NTAQ1: variants seen among roughly 807,000 people sequenced by gnomAD.
NTAQ1 encodes the protein protein N-terminal glutamine amidohydrolase.
A neutral mutation model predicts 28.2 loss-of-function variants in NTAQ1; 21 were observed. The ratio of observed to expected loss-of-function variants is 0.74; its 90% CI spans 0.53 to 1.07. The LOEUF is 1.07. Among genes scored for constraint, NTAQ1 ranks in the 50% least tolerant of loss-of-function variants. NTAQ1 has a pLI of 0.00. For missense variants in NTAQ1, 264 were observed against 256.6 expected (o/e 1.03, Z -0.20); for synonymous variants, 105 against 90.0 (o/e 1.17, Z -0.94).
intron 3 of NTAQ1, among the ~76,000 whole-genome samples, chr8:123,431,582 G>A (rs1235667243): frequency 2.6e-5 from 4 of 152,190 alleles, no homozygotes; most frequent in African/African-American, 9.7e-5. Flanking sequence ...TTCGTTGCCA[G>A]CAGGTGATCT....
intron 6 of NTAQ1, among the ~76,000 whole-genome samples, chr8:123,458,866 C>T (rs898089285): frequency 6.6e-5 from 10 of 152,046 alleles, no homozygotes; most frequent in Admixed American, 3.9e-4. Context: ...GTGATCCACC[C>T]GCCTCGGCCT....
intron 1 of NTAQ1, among the ~76,000 whole-genome samples, chr8:123,420,846 G>A (rs1334163773): frequency 6.6e-6 from 1 of 151,982 alleles, no homozygotes; most frequent in Non-Finnish European, 1.5e-5. Flanking sequence ...CTGGAGTGCA[G>A]TGGTGCAATC....
chr8:123,445,156 T>C (rs1245725108), downstream of NTAQ1, among the ~76,000 whole-genome samples: 6 of 152,186 alleles, frequency 3.9e-5, no homozygotes, highest in African/African-American at 1.4e-4. Context: ...TGTCCTCCAA[T>C]TTTCTGATGT....
chr8:123,453,565 A>G (rs1189644680), intron 6 of NTAQ1, among the ~76,000 whole-genome samples: 4 of 151,864 alleles, frequency 2.6e-5, no homozygotes, highest in East Asian at 3.9e-4. Context: ...AGTAGCTGGG[A>G]CTATAGACAC....
intron 1 of NTAQ1, among the ~76,000 whole-genome samples, chr8:123,422,585 T>G (rs1467747128): frequency 1.3e-5 from 2 of 150,462 alleles, no homozygotes; most frequent in Non-Finnish European, 2.9e-5. Context: ...GGCTGTAGGT[T>G]GTCTATTTAC....
chr8:123,444,221 A>C (rs902572660), downstream of NTAQ1, among the ~76,000 whole-genome samples: 6 of 152,140 alleles, frequency 3.9e-5, no homozygotes, highest in Non-Finnish European at 7.3e-5. Flanking sequence ...TTTGTTTGAG[A>C]TGCCGTCTTG....
At chr8:123,451,337 G>GTTTTCCTT (rs1020475865), downstream of NTAQ1, among the ~76,000 whole-genome samples, 20 of 152,070 alleles carry the variant, frequency 1.3e-4, no homozygotes, top group African/African-American at 4.8e-4. Context: ...TTAAAAGTCT[G>GTTTTCCTT]TTTTCCTTTT....
rs1198107061 is a variant in NTAQ1, at chr8:123,464,514, C to G, written c.373-2565C>G. ...GAGACGCCACTGGAGAGAGCATTGC[C>G]AGGCTGTGCCTCCACTCTCCCTCCC... On this transcript the variant is annotated intron_variant, in intron 6 of 6. Transcript: ENST00000650311. Among the ~76,000 whole-genome samples, 3 of 152,198 alleles carry G rather than the reference C, an allele frequency of 2.0e-5. No homozygotes were observed. The South Asian group carries it at 6.2e-4, about 31-fold the overall frequency.
At chr8:123,417,461 G>A (rs1250494823) in intron 1 of NTAQ1, among the ~76,000 whole-genome samples, 4 of 152,144 alleles carry the variant, frequency 2.6e-5, no homozygotes, top group Admixed American at 2.6e-4. Flanking sequence ...GAGCACTGAA[G>A]CACAGAGGGC....
At chr8:123,449,834 CAG>C (rs1815416820), downstream of NTAQ1, among the ~76,000 whole-genome samples, 2 of 146,282 alleles carry the variant, frequency 1.4e-5, no homozygotes, top group South Asian at 4.4e-4. Flanking sequence ...GCCTGGGCGA[CAG>C]AGTGAGACTC....
chr8:123,430,687 A>G (rs558650333), intron 3 of NTAQ1, among the ~76,000 whole-genome samples: 1 of 152,332 alleles, frequency 6.6e-6, no homozygotes, highest in African/African-American at 2.4e-5. Flanking sequence ...AGGTTGAGGC[A>G]GGAGAATTGC....
chr8:123,436,187 A>T (rs1814699820), intron 3 of NTAQ1, among the ~76,000 whole-genome samples: 1 of 151,744 alleles, frequency 6.6e-6, no homozygotes. Flanking sequence ...AAAAAAAAAA[A>T]AAAGTTTCCT....
chr8:123,470,346 G>T (rs549697089), downstream of NTAQ1, among the ~76,000 whole-genome samples: 1 of 152,292 alleles, frequency 6.6e-6, no homozygotes, highest in South Asian at 2.1e-4. Flanking sequence ...CGTGGCCTCC[G>T]CAGTCCCTGT....
downstream of NTAQ1, among the ~76,000 whole-genome samples, chr8:123,443,753 A>G (rs2130346386): frequency 6.6e-6 from 1 of 152,212 alleles, no homozygotes; most frequent in Non-Finnish European, 1.5e-5. Flanking sequence ...TTATATTTTT[A>G]GTAGAGATGG....
At chr8:123,456,456 C>A (rs1337039151) in intron 6 of NTAQ1, among the ~76,000 whole-genome samples, 3 of 152,076 alleles carry the variant, frequency 2.0e-5, no homozygotes, top group African/African-American at 2.4e-5. Flanking sequence ...TAAACAAAGT[C>A]AAAAAAGTGT....
downstream of NTAQ1, among the ~76,000 whole-genome samples, chr8:123,452,711 G>A (rs919434747): frequency 2.0e-5 from 3 of 150,424 alleles, no homozygotes; most frequent in African/African-American, 7.4e-5. Flanking sequence ...AGACCAGCCC[G>A]ACCAACATGG....
At chr8:123,473,553 C>T (rs144197390), downstream of NTAQ1, among the ~76,000 whole-genome samples, 2,633 of 152,258 alleles carry the variant, frequency 0.017, 69 homozygotes, top group African/African-American at 0.06. Context: ...GGCTTCCCAA[C>T]GTGCTGGGAT....
intron 5 of NTAQ1, among the ~76,000 whole-genome samples, chr8:123,440,146 C>CCTT (rs1814964889): frequency 1.8e-5 from 1 of 56,542 alleles, no homozygotes; most frequent in Non-Finnish European, 3.0e-5. Context: ...GGATTAACTC[C>CCTT]TTTTTTTTTT....
At chr8:123,440,514 T>TTG (rs1293229592) in intron 5 of NTAQ1, among the ~76,000 whole-genome samples, 1 of 150,262 alleles carries the variant, frequency 6.7e-6, no homozygotes, top group Non-Finnish European at 1.5e-5. Flanking sequence ...TTTTTTTTTT[T>TTG]TTTTAGACAA....
Sources: allele counts gnomAD v4.1 joint callset (sites outside exome capture counted in the v4.1 genomes callset), GRCh38; gene constraint gnomAD v4.1.1; transcripts MANE v1.5; gene names NCBI Gene and HGNC (gene_info 2026-07-23, HGNC 2026-07-21).